The following DAB1 variants were observed in gnomAD, a reference collection of about 807,000 sequenced individuals.
DAB1 encodes disabled homolog 1.
Under a neutral mutation model 64.6 loss-of-function variants are expected in DAB1, and 15 were observed. The ratio of observed to expected loss-of-function variants is 0.23; its 90% CI spans 0.16 to 0.36. The LOEUF (loss-of-function observed/expected upper bound fraction) is 0.36, where lower values mean the gene tolerates loss of function less well. DAB1 is among the 10% of genes least tolerant of loss of function. The pLI, the probability that DAB1 is intolerant of heterozygous loss-of-function variation, is 1.00. For missense variants in DAB1, 596 were observed against 706.7 expected, an observed-to-expected ratio of 0.84 and a Z score of 1.78; for synonymous variants, 235 against 251.9, an observed-to-expected ratio of 0.93 and a Z score of 0.64.
At chr1:58,132,518 A>G (rs1054317436) in intron 5 of DAB1, among the ~76,000 whole-genome samples, 1 of 152,114 alleles carries the variant, frequency 6.6e-6, no homozygotes, top group African/African-American at 2.4e-5. Flanking sequence ...ATCAGTCTTA[A>G]AAGTAGGTTG....
chr1:58,433,993 G>T (rs1457405342), intron 3 of DAB1, among the ~76,000 whole-genome samples: 4 of 152,102 alleles, frequency 2.6e-5, no homozygotes, highest in Non-Finnish European at 5.9e-5. Context: ...TTGAAAAACA[G>T]CAAGGAGGCC....
chr1:57,210,946 T>G (rs1665953650), intron 2 of DAB1, among the ~76,000 whole-genome samples: 1 of 152,230 alleles, frequency 6.6e-6, no homozygotes. Flanking sequence ...TCATATCAAT[T>G]TCAAAATATT....
intron 2 of DAB1, among the ~76,000 whole-genome samples, chr1:57,188,301 C>CTATT (rs1010384889): frequency 1.8e-4 from 28 of 152,172 alleles, no homozygotes; most frequent in African/African-American, 6.5e-4. Context: ...AAAGAATTGA[C>CTATT]TATTTCTACT....
intron 6 of DAB1, among the ~76,000 whole-genome samples, chr1:57,652,477 G>C (rs934444891): frequency 6.6e-6 from 1 of 152,032 alleles, no homozygotes; most frequent in Non-Finnish European, 1.5e-5. Flanking sequence ...CTGGCTCTAC[G>C]TGTAAAAATC....
intron 2 of DAB1, among the ~76,000 whole-genome samples, chr1:57,204,503 T>C (rs1032287326): frequency 1.4e-5 from 2 of 147,896 alleles, no homozygotes; most frequent in Admixed American, 6.7e-5. Flanking sequence ...AGAGTTGACA[T>C]CAGCTGGTCT....
chr1:57,954,146 T>A (rs1417498831), intron 5 of DAB1, among the ~76,000 whole-genome samples: 3 of 152,148 alleles, frequency 2.0e-5, no homozygotes, highest in Non-Finnish European at 4.4e-5. Context: ...TCGGATGTAT[T>A]GGCCATAAAA....
chr1:58,181,736 T>C (rs1261355175), intron 4 of DAB1, among the ~76,000 whole-genome samples: 1 of 151,050 alleles, frequency 6.6e-6, no homozygotes, highest in Non-Finnish European at 1.5e-5. Context: ...TTCTCCTTCT[T>C]TGTGTTATTA....
chr1:57,024,135 T>C (rs896578227), intron 10 of DAB1, among the ~76,000 whole-genome samples: 2 of 152,066 alleles, frequency 1.3e-5, no homozygotes, highest in African/African-American at 4.8e-5. Context: ...ACACAAAATT[T>C]AGCAAGTGGT....
At chr1:57,418,505 C>G (rs1055985259) in intron 1 of DAB1, among the ~76,000 whole-genome samples, 12 of 152,112 alleles carry the variant, frequency 7.9e-5, no homozygotes, top group Non-Finnish European at 1.3e-4. Context: ...TGGTAATTTG[C>G]AAGACTCACT....
intron 6 of DAB1, among the ~76,000 whole-genome samples, chr1:57,746,403 T>G (rs1333672397): frequency 1.3e-5 from 2 of 152,176 alleles, no homozygotes; most frequent in African/African-American, 4.8e-5. Flanking sequence ...CTCACTAATC[T>G]GATGGATGAG....
intron 6 of DAB1, among the ~76,000 whole-genome samples, chr1:57,696,078 TTCC>T (rs955721381): frequency 1.3e-5 from 2 of 152,202 alleles, no homozygotes; most frequent in African/African-American, 4.8e-5. Context: ...AAGTCTTTTT[TTCC>T]TCCTCTTCCT....
intron 1 of DAB1, among the ~76,000 whole-genome samples, chr1:57,419,376 T>C (rs1167419185): frequency 1.3e-5 from 2 of 152,136 alleles, no homozygotes; most frequent in East Asian, 3.9e-4. Context: ...TCAAAGTCAT[T>C]TTACTTTCCT....
chr1:57,754,760 TGGTCCAA>T (rs1279509231), intron 6 of DAB1, among the ~76,000 whole-genome samples: 3 of 152,172 alleles, frequency 2.0e-5, no homozygotes, highest in Admixed American at 2.0e-4. Context: ...GGTCTGCCAC[TGGTCCAA>T]GGTCTCACAG....
At chr1:57,035,006 C>A (rs904514486) in intron 9 of DAB1, among the ~76,000 whole-genome samples, 1 of 152,206 alleles carries the variant, frequency 6.6e-6, no homozygotes, top group Non-Finnish European at 1.5e-5. Flanking sequence ...TTTCCACCAG[C>A]CCATGGTTCA....
chr1:57,996,885 G>A (rs982034528), intron 5 of DAB1, among the ~76,000 whole-genome samples: 1 of 152,126 alleles, frequency 6.6e-6, no homozygotes, highest in Non-Finnish European at 1.5e-5. Context: ...CATTTGGGGG[G>A]TCTGTTGGTG....
chr1:58,151,448 G>A (rs1452554323), intron 4 of DAB1, among the ~76,000 whole-genome samples: 4 of 152,198 alleles, frequency 2.6e-5, no homozygotes, highest in East Asian at 3.9e-4. Flanking sequence ...GGCCAGTGAT[G>A]AGAGCATTTT....
At chr1:57,824,660 C>A (rs142327615), downstream of DAB1, among the ~76,000 whole-genome samples, 14 of 152,248 alleles carry the variant, frequency 9.2e-5, no homozygotes, top group East Asian at 2.7e-3. Flanking sequence ...GTGGGATATG[C>A]GTCTTAACCA....
intron 7 of DAB1, among the ~76,000 whole-genome samples, chr1:57,489,572 A>G (rs1644136793): frequency 6.6e-6 from 1 of 152,212 alleles, no homozygotes; most frequent in Non-Finnish European, 1.5e-5. Flanking sequence ...GTTCGATTAC[A>G]AGTATGTCTA....
chr1:57,345,151 T>A (rs377693734), intron 1 of DAB1, among the ~76,000 whole-genome samples: 7 of 152,292 alleles, frequency 4.6e-5, no homozygotes, highest in African/African-American at 1.7e-4. Context: ...GGGCCCTAAG[T>A]CTTTCCCGAT....
Sources: gnomAD v4.1 joint callset for allele counts (sites outside exome capture counted in the v4.1 genomes callset) on GRCh38, gnomAD v4.1.1 for gene constraint, MANE v1.5 for transcripts, NCBI Gene and HGNC (gene_info 2026-07-23, HGNC 2026-07-21) for gene names.